Variants in PPP4R4 observed in about 807,000 individuals in gnomAD.
The protein encoded by PPP4R4 is serine/threonine-protein phosphatase 4 regulatory subunit 4.
In PPP4R4, 70 loss-of-function variants were observed where a neutral mutation model predicts 121.8. The ratio of observed to expected loss-of-function variants is 0.57; its 90% CI spans 0.47 to 0.70. PPP4R4 has a LOEUF of 0.70. PPP4R4 is among the 30% of genes least tolerant of loss of function. The pLI, the probability that PPP4R4 is intolerant of heterozygous loss-of-function variation, is 0.00. For synonymous variants in PPP4R4, 348 were observed against 355.7 expected, an observed-to-expected ratio of 0.98 and a Z score of 0.24; for missense variants, 875 against 1,033.6, an observed-to-expected ratio of 0.85 and a Z score of 2.10.
intron 19 of PPP4R4, 51 bp from the exon 20 acceptor site, chr14:94,264,827 C>G: frequency 7.4e-7 from 1 of 1,353,446 alleles, no homozygotes; most frequent in Non-Finnish European, 1.0e-6. Flanking sequence ...GAACAATTTT[C>G]TAGACCTACT....
At chr14:94,245,040 ATTC>A (rs1275537922) in intron 12 of PPP4R4, among the ~76,000 whole-genome samples, 1 of 152,048 alleles carries the variant, frequency 6.6e-6, no homozygotes, top group African/African-American at 2.4e-5. Flanking sequence ...TTATATGAAT[ATTC>A]TTTTCTATAT....
chr14:94,227,519 A>G (rs1891784645), intron 3 of PPP4R4: 1 of 1,333,108 alleles, frequency 7.5e-7, no homozygotes, highest in Non-Finnish European at 9.6e-7. Flanking sequence ...CAGCACAACA[A>G]GAGAAAAACC....
At chr14:94,184,331 T>C (rs572768927) in intron 2 of PPP4R4, among the ~76,000 whole-genome samples, 1 of 152,220 alleles carries the variant, frequency 6.6e-6, no homozygotes, top group African/African-American at 2.4e-5. Flanking sequence ...CGATCACAGC[T>C]CACAATAACC....
intron 3 of PPP4R4, among the ~76,000 whole-genome samples, chr14:94,226,241 A>G (rs528678115): frequency 6.6e-6 from 1 of 152,284 alleles, no homozygotes; most frequent in South Asian, 2.1e-4. Context: ...GCATGGCAGC[A>G]TATTTTATTG....
chr14:94,242,545 A>T (rs901915883), intron 11 of PPP4R4, 137 bp downstream of exon 11: 2 of 856,518 alleles, frequency 2.3e-6, no homozygotes, highest in African/African-American at 3.5e-5. Flanking sequence ...TTGTTTAAAA[A>T]TTTCCTTAAT....
intron 16 of PPP4R4, 137 bp from the exon 17 acceptor site, chr14:94,256,323 C>T (rs1454516539): frequency 3.2e-6 from 2 of 628,420 alleles, no homozygotes; most frequent in African/African-American, 3.8e-5. Flanking sequence ...GAATGTTTGA[C>T]ACATAATAGA....
chr14:94,191,124 C>A (rs558909089), intron 2 of PPP4R4, among the ~76,000 whole-genome samples: 3 of 152,284 alleles, frequency 2.0e-5, no homozygotes, highest in African/African-American at 7.2e-5. Flanking sequence ...ATTAATGCCA[C>A]AGGTGTACTT....
At position 94,265,844 on chromosome 14, in the gene PPP4R4, C is replaced by A. The variant is rs768242015; in HGVS notation, c.2335C>A (p.Gln779Lys). The change falls in exon 22 of 25, where the codon CAA (glutamine) becomes AAA (lysine). Residue 779 changes from glutamine (Q) to lysine (K), a missense_variant. Physicochemically the swap from Gln to Lys is moderately conservative, Grantham distance 53 (BLOSUM62 1). Coordinates refer to ENST00000304338, the MANE Select transcript of PPP4R4 (RefSeq NM_058237.2). ...KLIRSQSFNN[Q>K]AFHAKYGNLE... The stretch of plus-strand genomic sequence containing the variant: ...GATTCGAAGCCAGTCTTTTAATAAT[C>A]AAGCTTTTCATGCAAAATATGGCAA... 3 of 1,609,276 alleles carry A rather than the reference C, an allele frequency of 1.9e-6. No individual in the cohort carries two copies. The African/African-American group carries it at 4.0e-5, about 22-fold the overall frequency.
In PPP4R4 at chr14:94,199,743, G is replaced by T. The variant is rs55913495; in HGVS notation, c.192-8721G>T. Among the ~76,000 whole-genome samples the T allele has an allele frequency of 5.3e-5, 8 of 152,164 alleles. No individual in the cohort carries two copies. In the East Asian group the frequency reaches 5.8e-4, roughly 11 times the overall value. The stretch of plus-strand genomic sequence containing the variant: ...CCCCAGCCAAACTCCACCTCATTCC[G>T]GGGGTTGATGGCTTGCGGACCTGCC... On this transcript the variant is annotated intron_variant, in intron 2 of 24. Transcript: ENST00000304338.
intron 23 of PPP4R4, among the ~76,000 whole-genome samples, chr14:94,269,822 T>A (rs769466870): frequency 2.6e-5 from 4 of 152,160 alleles, no homozygotes; most frequent in Non-Finnish European, 5.9e-5. Context: ...TACTCAAAAC[T>A]GTTCAGGAAA....
intron 16 of PPP4R4, among the ~76,000 whole-genome samples, chr14:94,255,087 T>C (rs1328195042): frequency 6.6e-6 from 1 of 152,222 alleles, no homozygotes; most frequent in Non-Finnish European, 1.5e-5. Context: ...ATTGAGCCTG[T>C]TGCCCACTTG....
chr14:94,174,622 C>G, intron 1 of PPP4R4, 40 bp downstream of exon 1: 1 of 1,601,208 alleles, frequency 6.2e-7, no homozygotes, highest in Non-Finnish European at 8.5e-7. Context: ...CGGCGTCCGG[C>G]CGCCTGCCCC....
At chr14:94,210,629 C>T (rs922141858) in intron 3 of PPP4R4, among the ~76,000 whole-genome samples, 3 of 151,816 alleles carry the variant, frequency 2.0e-5, no homozygotes, top group African/African-American at 4.8e-5. Context: ...AAAGAGATGC[C>T]GAAAAGGTAG....
At chr14:94,203,770 T>A (rs1479097432) in intron 2 of PPP4R4, among the ~76,000 whole-genome samples, 1 of 152,194 alleles carries the variant, frequency 6.6e-6, no homozygotes, top group Non-Finnish European at 1.5e-5. Context: ...TCCTTTTACT[T>A]TGTGTTTGCC....
chr14:94,252,315 C>G (rs1194250697), intron 16 of PPP4R4, among the ~76,000 whole-genome samples: 2 of 152,158 alleles, frequency 1.3e-5, no homozygotes, highest in African/African-American at 2.4e-5. Context: ...AGTAGAACTG[C>G]TTCAAAGTCT....
In PPP4R4 at chr14:94,188,068, T is replaced by A. The variant is rs1889383664; in HGVS notation, c.191+11941T>A. Among the ~76,000 whole-genome samples, 3 of 152,210 alleles carry A rather than the reference T, an allele frequency of 2.0e-5. No individual in the cohort carries two copies. In the South Asian group the frequency reaches 6.2e-4, roughly 32 times the overall value. ...TCTGTCTCTTACCATTAACTATATA[T>A]AATGTGGTGGTACTTTTTTTTATAG... On this transcript the variant is annotated intron_variant, in intron 2 of 24. Coordinates refer to ENST00000304338, the MANE Select transcript of PPP4R4 (RefSeq NM_058237.2).
intron 4 of PPP4R4, among the ~76,000 whole-genome samples, 182 bp downstream of exon 4, chr14:94,230,916 A>C (rs1891997304): frequency 2.6e-5 from 4 of 152,172 alleles, no homozygotes; most frequent in African/African-American, 9.7e-5. Context: ...AAAATTTAAT[A>C]TCCTTGAAAG....
chr14:94,215,477 A>G (rs1890972635), intron 3 of PPP4R4, among the ~76,000 whole-genome samples: 1 of 152,206 alleles, frequency 6.6e-6, no homozygotes, highest in Admixed American at 6.5e-5. Flanking sequence ...ATGATGTTCC[A>G]GACCCTTACA....
At chr14:94,256,351 T>C (rs1432598021) in intron 16 of PPP4R4, 109 bp from the exon 17 acceptor site, 8 of 841,658 alleles carry the variant, frequency 9.5e-6, no homozygotes, top group African/African-American at 1.7e-5. Context: ...TGAATATATC[T>C]TGCATGAATA....
Sources: allele counts gnomAD v4.1 joint callset (sites outside exome capture counted in the v4.1 genomes callset), GRCh38; gene constraint gnomAD v4.1.1; transcripts MANE v1.5; gene names NCBI Gene and HGNC (gene_info 2026-07-23, HGNC 2026-07-21).